Variants in OSGEP observed in about 807,000 individuals in gnomAD.
OSGEP encodes tRNA N6-adenosine threonylcarbamoyltransferase.
OSGEP carries 39 observed loss-of-function variants against 44.1 expected under a neutral mutation model. The ratio of observed to expected loss-of-function variants is 0.88; its 90% CI spans 0.69 to 1.16. OSGEP has a LOEUF of 1.16. OSGEP is among the 50% of genes most tolerant of loss of function. The pLI is 0.00. For synonymous variants in OSGEP, 139 were observed against 161.9 expected (o/e 0.86, Z 1.07); for missense variants, 403 against 443.1 (o/e 0.91, Z 0.81).
In OSGEP at chr14:20,454,732, G is replaced by T; in HGVS notation, c.-49C>A. On this transcript the variant is annotated 5_prime_UTR_variant, in exon 1 of 11. Transcript: ENST00000206542. The stretch of plus-strand genomic sequence containing the variant: ...GACAGGACTCCTGGCAATGTCAGGA[G>T]CTGTGGAGGTCCTCACTAGTCCGCG... 2 of 1,388,766 alleles carry T rather than the reference G, an allele frequency of 1.4e-6. No individual in the cohort carries two copies. Among genetic ancestry groups the T allele is most frequent in the Non-Finnish European group, 2.0e-6 (2 of 979,256 alleles). 86.0% of individuals were successfully genotyped at this position (1,388,766 alleles called of 1,614,324 possible).
chr14:20,448,558 T>C (rs1881018254), intron 6 of OSGEP, among the ~76,000 whole-genome samples, 175 bp downstream of exon 6: 1 of 152,164 alleles, frequency 6.6e-6, no homozygotes, highest in African/African-American at 2.4e-5. Context: ...GAACAGCATG[T>C]GGCACACAGA....
Position 20,447,686 on chromosome 14 carries a change from A to C in OSGEP, c.798T>G (p.Asn266Lys). The C allele has an allele frequency of 6.2e-7, 1 of 1,612,936 alleles. No homozygotes were observed. The highest frequency in any genetic ancestry group is 1.1e-5 in the South Asian group (1 of 91,046). The change falls in exon 9 of 11, where the codon AAT (asparagine) becomes AAG (lysine). Residue 266 changes from asparagine (N) to lysine (K), a missense_variant. Physicochemically the swap from Asn to Lys is moderately conservative, Grantham distance 94 (BLOSUM62 0). Coordinates refer to ENST00000206542, the MANE Select transcript of OSGEP (RefSeq NM_017807.4). Reference protein sequence around the residue: ...EALIVGGVGCNVRLQEMMATM... With the variant: ...EALIVGGVGCKVRLQEMMATM... ...TTGCCATCATCTCCTGTAGCCTCAC[A>C]TTACCTACAAAGAGGCAGGGAACAG...
intron 1 of OSGEP, 21 bp from the exon 2 acceptor site, chr14:20,452,469 A>G: frequency 6.2e-7 from 1 of 1,612,378 alleles, no homozygotes; most frequent in African/African-American, 1.3e-5. Flanking sequence ...AACATAGGTC[A>G]GAGATCACAG....
intron 1 of OSGEP, among the ~76,000 whole-genome samples, chr14:20,452,702 C>T (rs1446696268): frequency 7.0e-6 from 1 of 142,244 alleles, no homozygotes; most frequent in Admixed American, 7.3e-5. Flanking sequence ...CATACCCTTT[C>T]GTGATCTTTT....
Position 20,454,634 on chromosome 14 carries a change from C to T in OSGEP, c.50G>A (p.Gly17Asp), listed in dbSNP as rs767303847. The change falls in exon 1 of 11, where the codon GGC (glycine) becomes GAC (aspartate). Residue 17 changes from glycine to aspartate, a missense_variant. Coordinates refer to ENST00000206542, the MANE Select transcript of OSGEP (RefSeq NM_017807.4). ...FEGSANKIGV[G>D]VVRDGKVLAN... ...CAGCACCTTGCCATCCCGCACCACGCCCACGCCAATCTTATTGGCGCTGCC... is the reference window on the plus strand; with the variant it reads ...CAGCACCTTGCCATCCCGCACCACGTCCACGCCAATCTTATTGGCGCTGCC... 1 of 1,614,208 alleles carries T rather than the reference C, an allele frequency of 6.2e-7. No homozygotes were observed. The highest frequency in any genetic ancestry group is 8.5e-7 in the Non-Finnish European group (1 of 1,180,024).
intron 3 of OSGEP, chr14:20,449,649 AT>A (rs576050095): frequency 1.2e-3 from 293 of 236,308 alleles, no homozygotes; most frequent in South Asian, 2.4e-3. Flanking sequence ...GGCAGTGGTA[AT>A]TTTTTTTTGA....
Position 20,452,325 on chromosome 14 carries a change from A to T in OSGEP, c.235+4T>A. On this transcript the variant is annotated splice_donor_region_variant and intron_variant, in intron 2 of 10. Coordinates refer to ENST00000206542, the MANE Select transcript of OSGEP (RefSeq NM_017807.4). ...TCCATCGTTGACCACTCTCCCAGCCATACCCTTGGTGTATGCAATGCAGTC... is the reference window on the plus strand; with the variant it reads ...TCCATCGTTGACCACTCTCCCAGCCTTACCCTTGGTGTATGCAATGCAGTC... 1 of 1,613,518 alleles carries T rather than the reference A, an allele frequency of 6.2e-7. No homozygotes were observed. The highest frequency in any genetic ancestry group is 8.5e-7 in the Non-Finnish European group (1 of 1,179,882).
chr14:20,453,369 ACT>A (rs1491218197), intron 1 of OSGEP, among the ~76,000 whole-genome samples: 173 of 136,038 alleles, frequency 1.3e-3, no homozygotes, highest in African/African-American at 3.7e-3. Flanking sequence ...TGTGTTTTGT[ACT>A]TTTTTTTTTT....
At position 20,447,107 on chromosome 14, in the gene OSGEP, C is replaced by T; in HGVS notation, c.*133G>A. 1 of 751,386 alleles carries T rather than the reference C, an allele frequency of 1.3e-6. No individual in the cohort carries two copies. The highest frequency in any genetic ancestry group is 1.6e-5 in the South Asian group (1 of 60,838). 46.5% of individuals were successfully genotyped at this position (751,386 alleles called of 1,614,324 possible). ...TTTATTGCTGAGTCATCCTGGGGTTCCATAAAGGACCCCAAGCCTTGCTTG... is the reference window on the plus strand; with the variant it reads ...TTTATTGCTGAGTCATCCTGGGGTTTCATAAAGGACCCCAAGCCTTGCTTG... On this transcript the variant is annotated 3_prime_UTR_variant, in exon 11 of 11. Coordinates refer to ENST00000206542, the MANE Select transcript of OSGEP (RefSeq NM_017807.4).
chr14:20,448,882 C>T (rs1360227939), intron 5 of OSGEP, 71 bp from the exon 6 acceptor site: 3 of 1,594,124 alleles, frequency 1.9e-6, no homozygotes, highest in African/African-American at 1.3e-5. Flanking sequence ...AAGCCCGTCC[C>T]AAATTTTGTT....
At chr14:20,451,924 G>T in intron 3 of OSGEP, 50 bp downstream of exon 3, 2 of 1,435,236 alleles carry the variant, frequency 1.4e-6, no homozygotes, top group South Asian at 1.4e-5. Flanking sequence ...AGAAAATACT[G>T]GTTCAGTGCC....
intron 1 of OSGEP, among the ~76,000 whole-genome samples, chr14:20,454,009 A>G (rs1304436330): frequency 4.6e-5 from 7 of 151,986 alleles, no homozygotes; most frequent in African/African-American, 1.5e-4. Flanking sequence ...ACAGAGCAAG[A>G]CTCTGTCTCA....
chr14:20,453,344 A>G (rs938045000), intron 1 of OSGEP, among the ~76,000 whole-genome samples: 1 of 149,988 alleles, frequency 6.7e-6, no homozygotes, highest in Admixed American at 6.7e-5. Context: ...TTAAAATATC[A>G]ATTAAAAGTT....
chr14:20,449,271 G>A lies in OSGEP; in HGVS notation c.412-5C>T. ...ATGTTCCGAGTATGCAATCACCTAAGGGTGATGAGGAAGTCCATGAAACCC... is the reference window on the plus strand; with the variant it reads ...ATGTTCCGAGTATGCAATCACCTAAAGGTGATGAGGAAGTCCATGAAACCC... On this transcript the variant is annotated splice_polypyrimidine_tract_variant and splice_region_variant and intron_variant, in intron 3 of 10. Coordinates refer to ENST00000206542, the MANE Select transcript of OSGEP (RefSeq NM_017807.4). 6.5e-7 allele frequency: 1 copy of A among 1,544,886 alleles called. No homozygotes were observed. Among genetic ancestry groups the A allele is most frequent in the South Asian group, 1.1e-5 (1 of 89,704 alleles).
rs1880991245 is a variant in OSGEP at position 20,447,809 on chromosome 14, G to A, written c.793+95C>T. On this transcript the variant is annotated intron_variant, in intron 8 of 10. Coordinates refer to ENST00000206542, the MANE Select transcript of OSGEP (RefSeq NM_017807.4). ...ATAGGGGATTAGGGGCAAGGATTGGGAAGCCTACTCCAAACGCTTAATGAT... is the reference window on the plus strand; with the variant it reads ...ATAGGGGATTAGGGGCAAGGATTGGAAAGCCTACTCCAAACGCTTAATGAT... 3.3e-6 allele frequency: 4 copies of A among 1,227,132 alleles called. No homozygotes were observed. The South Asian group carries it at 4.9e-5, about 15-fold the overall frequency. The allele number at this position is 1,227,132 out of a possible 1,614,324, so 76.0% of individuals were successfully genotyped here.
At chr14:20,448,402 A>C (rs938885) in intron 6 of OSGEP, among the ~76,000 whole-genome samples, 3,244 of 152,126 alleles carry the variant, frequency 0.021, 126 homozygotes, top group African/African-American at 0.073. Flanking sequence ...CCCCTTACTT[A>C]TCCTGCTTAA....
intron 3 of OSGEP, 198 bp from the exon 4 acceptor site, chr14:20,449,464 AGG>A: frequency 1.8e-6 from 1 of 564,496 alleles, no homozygotes; most frequent in South Asian, 2.0e-5. Flanking sequence ...TGAGGATTCC[AGG>A]AACAGATTCC....
intron 7 of OSGEP, 47 bp from the exon 8 acceptor site, chr14:20,448,041 T>G (rs1270929242): frequency 6.3e-7 from 1 of 1,586,046 alleles, no homozygotes; most frequent in African/African-American, 1.3e-5. Flanking sequence ...CATCCCAGAT[T>G]AGTTCTGCTC....
At chr14:20,447,883 A>G in intron 8 of OSGEP, 21 bp downstream of exon 8, 1 of 1,533,012 alleles carries the variant, frequency 6.5e-7, no homozygotes, top group South Asian at 1.1e-5. Context: ...GGAAAGAGGA[A>G]CACTTTTCAA....
Sources: gnomAD v4.1 joint callset for allele counts (sites outside exome capture counted in the v4.1 genomes callset) on GRCh38, gnomAD v4.1.1 for gene constraint, MANE v1.5 for transcripts, NCBI Gene and HGNC (gene_info 2026-07-23, HGNC 2026-07-21) for gene names.